Variants in PTPRT observed in about 807,000 individuals in gnomAD.
PTPRT encodes the protein protein tyrosine phosphatase receptor type T.
PTPRT carries 56 observed loss-of-function variants against 176.8 expected under a neutral mutation model. The observed-to-expected ratio is 0.32, with a 90% CI of 0.26 to 0.40. The LOEUF (loss-of-function observed/expected upper bound fraction) is 0.40, where lower values mean the gene tolerates loss of function less well. PTPRT is among the 10% of genes least tolerant of loss of function. PTPRT has a pLI of 1.00. For missense variants in PTPRT, 1,540 were observed against 1,908.2 expected (o/e 0.81, Z 3.60); for synonymous variants, 783 against 739.0 (o/e 1.06, Z -0.96).
intron 2 of PTPRT, among the ~76,000 whole-genome samples, chr20:42,801,549 T>C (rs925423527): frequency 1.3e-5 from 2 of 152,210 alleles, no homozygotes; most frequent in African/African-American, 4.8e-5. Flanking sequence ...GCACCTACTA[T>C]GTGTCTGACA....
intron 1 of PTPRT, among the ~76,000 whole-genome samples, chr20:43,081,944 T>C (rs934125916): frequency 9.9e-5 from 15 of 152,226 alleles, no homozygotes; most frequent in African/African-American, 3.1e-4. Context: ...TTGTTGGTTA[T>C]GTTTTTGTCA....
At chr20:42,633,594 G>A (rs989874899) in intron 7 of PTPRT, among the ~76,000 whole-genome samples, 5 of 150,578 alleles carry the variant, frequency 3.3e-5, no homozygotes, top group African/African-American at 9.8e-5. Flanking sequence ...CCAGGAGTTC[G>A]AGACAGTGCA....
chr20:42,409,481 CAAAAAAAAAAAA>C (rs58932390), intron 9 of PTPRT, among the ~76,000 whole-genome samples: 24 of 112,156 alleles, frequency 2.1e-4, no homozygotes, highest in African/African-American at 6.6e-4. Context: ...GACTCTGTCG[CAAAAAAAAAAAA>C]AAAAAAAAAA....
chr20:42,635,423 T>C (rs964797417), intron 7 of PTPRT, among the ~76,000 whole-genome samples: 2 of 152,128 alleles, frequency 1.3e-5, no homozygotes, highest in Non-Finnish European at 1.5e-5. Context: ...TAGGTTAAGA[T>C]GAAATTCGTG....
intron 7 of PTPRT, among the ~76,000 whole-genome samples, chr20:42,582,610 T>G (rs900045227): frequency 2.6e-5 from 4 of 152,156 alleles, no homozygotes; most frequent in Non-Finnish European, 5.9e-5. Flanking sequence ...GAGGTTACCT[T>G]TTCAAAATTT....
chr20:42,355,523 G>A (rs544685188), intron 9 of PTPRT, among the ~76,000 whole-genome samples: 1 of 152,336 alleles, frequency 6.6e-6, no homozygotes, highest in African/African-American at 2.4e-5. Flanking sequence ...CTTCTAGGCA[G>A]AGGGAACCGC....
At chr20:42,413,271 C>G (rs1464988485) in intron 9 of PTPRT, among the ~76,000 whole-genome samples, 2 of 152,158 alleles carry the variant, frequency 1.3e-5, no homozygotes, top group Non-Finnish European at 1.5e-5. Flanking sequence ...ATAAGAATAT[C>G]AAGAATATCC....
At chr20:42,324,871 T>A (rs747273109) in intron 11 of PTPRT, among the ~76,000 whole-genome samples, 2 of 152,076 alleles carry the variant, frequency 1.3e-5, no homozygotes, top group Non-Finnish European at 2.9e-5. Context: ...GACAAGAAAA[T>A]GGGAGGAGGT....
chr20:42,480,753 T>A (rs1330349376), intron 7 of PTPRT, among the ~76,000 whole-genome samples: 2 of 152,164 alleles, frequency 1.3e-5, no homozygotes, highest in Non-Finnish European at 1.5e-5. Flanking sequence ...ACATTCGTTA[T>A]CATAGAAACC....
chr20:42,625,376 A>G (rs948998084), intron 7 of PTPRT, among the ~76,000 whole-genome samples: 2 of 152,208 alleles, frequency 1.3e-5, no homozygotes, highest in Admixed American at 1.3e-4. Flanking sequence ...GGTATGTACT[A>G]TGAAGTGAAT....
At chr20:42,691,086 C>T (rs901747639) in intron 6 of PTPRT, among the ~76,000 whole-genome samples, 2 of 152,236 alleles carry the variant, frequency 1.3e-5, no homozygotes, top group African/African-American at 2.4e-5. Flanking sequence ...ATCTTGGGCT[C>T]ATGCATCACA....
At chr20:42,201,156 T>C (rs910123577) in intron 15 of PTPRT, among the ~76,000 whole-genome samples, 3 of 152,024 alleles carry the variant, frequency 2.0e-5, no homozygotes, top group African/African-American at 7.2e-5. Flanking sequence ...TCTACAAAAA[T>C]TAGCCAGGTG....
chr20:42,848,238 G>C (rs2078410448), intron 2 of PTPRT, among the ~76,000 whole-genome samples: 1 of 152,188 alleles, frequency 6.6e-6, no homozygotes, highest in Non-Finnish European at 1.5e-5. Context: ...TTGATTGATG[G>C]AGTTTAGGGC....
At chr20:42,413,912 G>A (rs925899672) in intron 9 of PTPRT, among the ~76,000 whole-genome samples, 1 of 152,082 alleles carries the variant, frequency 6.6e-6, no homozygotes, top group African/African-American at 2.4e-5. Context: ...GTGCAGTGGC[G>A]CAATCTTGGC....
chr20:42,472,649 C>T (rs1184651336), intron 7 of PTPRT, 87 bp from the exon 8 acceptor site: 17 of 1,333,634 alleles, frequency 1.3e-5, no homozygotes, highest in Admixed American at 4.5e-5. Context: ...GGGAACACAG[C>T]TTTTCCAAAC....
At chr20:42,688,905 T>C (rs2075745472) in intron 6 of PTPRT, among the ~76,000 whole-genome samples, 1 of 152,136 alleles carries the variant, frequency 6.6e-6, no homozygotes, top group Non-Finnish European at 1.5e-5. Context: ...GTCTCTACCC[T>C]GGAGGAGACT....
chr20:42,070,620 G>C (rs1447402181), downstream of PTPRT, among the ~76,000 whole-genome samples: 1 of 152,086 alleles, frequency 6.6e-6, no homozygotes, highest in Non-Finnish European at 1.5e-5. Flanking sequence ...TATGACAACT[G>C]TATGCTGTTA....
chr20:42,638,552 G>A (rs2074662063), intron 7 of PTPRT, among the ~76,000 whole-genome samples: 1 of 151,970 alleles, frequency 6.6e-6, no homozygotes, highest in African/African-American at 2.4e-5. Flanking sequence ...ATCTCCCTCT[G>A]TCTTACTTAT....
chr20:42,037,665 C>T, the PTPRT span, among the ~76,000 whole-genome samples: 1 of 152,170 alleles, frequency 6.6e-6, no homozygotes, highest in Non-Finnish European at 1.5e-5. Flanking sequence ...AGAGGAGTTT[C>T]TCAGGATTCA....
Sources: allele counts gnomAD v4.1 joint callset (sites outside exome capture counted in the v4.1 genomes callset), GRCh38; gene constraint gnomAD v4.1.1; transcripts MANE v1.5; gene names NCBI Gene and HGNC (gene_info 2026-07-23, HGNC 2026-07-21).